Variants in DNAH5 observed in about 807,000 individuals in gnomAD.
DNAH5 encodes axonemal beta dynein heavy chain 5.
A neutral mutation model predicts 518.2 loss-of-function variants in DNAH5; 372 were observed. The ratio of observed to expected loss-of-function variants is 0.72; its 90% CI spans 0.66 to 0.78. The LOEUF is 0.78. Ranked by LOEUF, DNAH5 falls within the 30% of genes least tolerant of loss-of-function variation. The pLI is 0.00. For synonymous variants in DNAH5, 2,039 were observed against 2,025.9 expected, an observed-to-expected ratio of 1.01 and a Z score of -0.17; for missense variants, 5,523 against 5,687.0, an observed-to-expected ratio of 0.97 and a Z score of 0.93.
Position 14,005,520 on chromosome 5 carries a change from C to G in DNAH5, c.12+6128G>C, listed in dbSNP as rs114166552. On this transcript the variant is annotated intron_variant, in intron 1 of 78. Transcript: ENST00000681290. ...TGCCTGTGGCCAGGAATTCACACCA[C>G]TTCAGCTCCTTGAGGGGTTAACAGA... is the stretch of plus-strand genomic sequence containing the variant. 2.7e-3 allele frequency among the ~76,000 whole-genome samples: 412 copies of G among 152,354 alleles called. 2 individuals carry two copies. Among genetic ancestry groups the G allele is most frequent in the African/African-American group, 9.5e-3 (394 of 41,582 alleles).
At chr5:13,938,601 T>C (rs1779176248) in intron 1 of DNAH5, among the ~76,000 whole-genome samples, 1 of 151,594 alleles carries the variant, frequency 6.6e-6, no homozygotes. Context: ...GAAAAAAACA[T>C]AGTATATATA....
At chr5:13,761,612 T>C (rs910799868) in intron 60 of DNAH5, among the ~76,000 whole-genome samples, 6 of 145,420 alleles carry the variant, frequency 4.1e-5, no homozygotes, top group African/African-American at 1.5e-4. Flanking sequence ...AAAAAGACAC[T>C]ATGCATGGTT....
intron 58 of DNAH5, among the ~76,000 whole-genome samples, chr5:13,767,402 G>C (rs889105475): frequency 6.6e-6 from 1 of 152,228 alleles, no homozygotes; most frequent in Non-Finnish European, 1.5e-5. Context: ...TGGAATTACA[G>C]GCGTGAGCCA....
At chr5:13,858,781 A>G (rs1767979495) in intron 30 of DNAH5, among the ~76,000 whole-genome samples, 1 of 152,340 alleles carries the variant, frequency 6.6e-6, no homozygotes, top group South Asian at 2.1e-4. Context: ...ATGTGATGAA[A>G]ACATTTAAAA....
chr5:13,945,759 C>T (rs1779858901), upstream of DNAH5, among the ~76,000 whole-genome samples: 2 of 152,138 alleles, frequency 1.3e-5, no homozygotes, highest in Admixed American at 6.5e-5. Context: ...GCAAGTGTCA[C>T]AACACGCGGC....
At chr5:13,801,141 T>A (rs1233919936) in intron 47 of DNAH5, among the ~76,000 whole-genome samples, 3 of 152,162 alleles carry the variant, frequency 2.0e-5, no homozygotes, top group Non-Finnish European at 4.4e-5. Context: ...TCATCCCCAA[T>A]GTTGGAGGTG....
At chr5:13,839,921 C>T (rs994864527) in intron 34 of DNAH5, among the ~76,000 whole-genome samples, 1 of 152,176 alleles carries the variant, frequency 6.6e-6, no homozygotes, top group Non-Finnish European at 1.5e-5. Flanking sequence ...AGGAAAAAGA[C>T]ATCTCTTAAG....
At chr5:14,002,047 C>T (rs780184430) in intron 1 of DNAH5, among the ~76,000 whole-genome samples, 3 of 151,964 alleles carry the variant, frequency 2.0e-5, no homozygotes, top group Non-Finnish European at 4.4e-5. Context: ...TACAGGCGCG[C>T]ACCACCATAC....
At chr5:13,889,281 AAG>A (rs1422095000) in intron 17 of DNAH5, among the ~76,000 whole-genome samples, 1 of 152,136 alleles carries the variant, frequency 6.6e-6, no homozygotes, top group African/African-American at 2.4e-5. Flanking sequence ...TTTTCAGAGG[AAG>A]AGATAGTTTT....
chr5:13,903,943 T>C (rs914442842), intron 12 of DNAH5, among the ~76,000 whole-genome samples: 1 of 152,114 alleles, frequency 6.6e-6, no homozygotes, highest in East Asian at 1.9e-4. Flanking sequence ...CAAAGCAAAC[T>C]GTAAACATGT....
At chr5:13,728,924 T>G (rs969268682) in intron 69 of DNAH5, among the ~76,000 whole-genome samples, 8 of 152,080 alleles carry the variant, frequency 5.3e-5, no homozygotes, top group African/African-American at 1.9e-4. Context: ...GATGATAACT[T>G]CTAAAGATAA....
At chr5:13,933,388 A>G (rs1441859016) in intron 1 of DNAH5, among the ~76,000 whole-genome samples, 2 of 152,250 alleles carry the variant, frequency 1.3e-5, no homozygotes, top group African/African-American at 4.8e-5. Context: ...ATGAGTGCAG[A>G]TATGATTTTC....
chr5:13,708,304 A>C lies in DNAH5; in HGVS notation c.13157T>G (p.Phe4386Cys), dbSNP rs557255137. ...VKERLQKMGPFQPMNIFLRQE... is the reference protein window; with the variant it reads ...VKERLQKMGPCQPMNIFLRQE... ...CCTGAGGAAAATGTTCATAGGCTGG[A>C]ATGGCCCCATCTTCTGCAGCCTCTC... is the stretch of plus-strand genomic sequence containing the variant. Residue 4386 changes from phenylalanine to cysteine, a missense_variant, in exon 76 of 79, where the codon TTC (phenylalanine) becomes TGC (cysteine). Transcript: ENST00000265104. 1 of 1,614,120 alleles carries C rather than the reference A, an allele frequency of 6.2e-7. No homozygotes were observed. The highest frequency in any genetic ancestry group is 1.1e-5 in the South Asian group (1 of 91,082).
chr5:13,866,208 T>C lies in DNAH5; in HGVS notation c.4116+12A>G. ...TCATTGTTTAGAAAGTCATAGAAAC[T>C]AAAAAGATTACCTGAAACATGATAA... On this transcript the variant is annotated intron_variant, in intron 26 of 78. Coordinates refer to ENST00000265104, the MANE Select transcript of DNAH5 (RefSeq NM_001369.3). 1.2e-6 allele frequency: 2 copies of C among 1,612,454 alleles called. No individual in the cohort carries two copies. The highest frequency in any genetic ancestry group is 1.7e-6 in the Non-Finnish European group (2 of 1,178,812).
At chr5:13,754,687 C>T (rs1055756473) in intron 61 of DNAH5, among the ~76,000 whole-genome samples, 3 of 151,924 alleles carry the variant, frequency 2.0e-5, no homozygotes, top group African/African-American at 4.8e-5. Context: ...TACAAGCATA[C>T]GCCACCACAC....
intron 41 of DNAH5, among the ~76,000 whole-genome samples, chr5:13,818,329 T>C (rs1360682445): frequency 6.6e-6 from 1 of 152,210 alleles, no homozygotes; most frequent in Non-Finnish European, 1.5e-5. Context: ...CAGGGCATGG[T>C]GGCTCACGCC....
intron 21 of DNAH5, among the ~76,000 whole-genome samples, chr5:13,878,247 T>C (rs1354807339): frequency 6.6e-6 from 1 of 152,056 alleles, no homozygotes; most frequent in Non-Finnish European, 1.5e-5. Flanking sequence ...ATCCTAAACC[T>C]CTTAGCTACG....
At position 13,911,452 on chromosome 5, in the gene DNAH5, T is replaced by C. The variant is rs1775984639; in HGVS notation, c.1578A>G (p.Leu526=). 3.7e-6 allele frequency: 6 copies of C among 1,614,052 alleles called. No individual in the cohort carries two copies. The highest frequency in any genetic ancestry group is 5.1e-6 in the Non-Finnish European group (6 of 1,179,980). Residue 526 remains leucine (L), a synonymous_variant, in exon 12 of 79, where the codon CTA becomes CTG. Coordinates refer to ENST00000265104, the MANE Select transcript of DNAH5 (RefSeq NM_001369.3). The part of the protein sequence containing the change: ...ATIKKKEYNF[L]DQRKMDFDQD... ...GGTCAAAATCCATTTTCCGCTGGTC[T>C]AGGAAATTGTATTCCTTTTTCTTTA...
At chr5:13,779,561 G>A (rs751805568) in intron 53 of DNAH5, among the ~76,000 whole-genome samples, 8 of 152,038 alleles carry the variant, frequency 5.3e-5, no homozygotes, top group Non-Finnish European at 1.0e-4. Context: ...TTCCCAAACT[G>A]GTCTCCTGGT....
Sources: gnomAD v4.1 joint callset for allele counts (sites outside exome capture counted in the v4.1 genomes callset) on GRCh38, gnomAD v4.1.1 for gene constraint, MANE v1.5 for transcripts, NCBI Gene and HGNC (gene_info 2026-07-23, HGNC 2026-07-21) for gene names.